MARCHF3: variants seen among roughly 807,000 people sequenced by gnomAD.
MARCHF3 encodes E3 ubiquitin-protein ligase MARCHF3.
MARCHF3 carries 13 observed loss-of-function variants against 24.2 expected under a neutral mutation model. The ratio of observed to expected loss-of-function variants is 0.54; its 90% confidence interval spans 0.35 to 0.85. The LOEUF (loss-of-function observed/expected upper bound fraction) is 0.85, where lower values mean the gene tolerates loss of function less well. Ranked by LOEUF, MARCHF3 falls within the 40% of genes least tolerant of loss-of-function variation. The pLI is 0.01. For synonymous variants in MARCHF3, 144 were observed against 137.3 expected (o/e 1.05, Z -0.34); for missense variants, 276 against 325.0 (o/e 0.85, Z 1.16).
intron 1 of MARCHF3, among the ~76,000 whole-genome samples, chr5:126,930,152 G>T (rs1185721905): frequency 6.6e-6 from 1 of 152,064 alleles, no homozygotes; most frequent in African/African-American, 2.4e-5. Flanking sequence ...GTATACAGAA[G>T]ATCTGGATTT....
chr5:126,949,971 T>A (rs1330416970), intron 1 of MARCHF3, among the ~76,000 whole-genome samples: 1 of 152,172 alleles, frequency 6.6e-6, no homozygotes, highest in Non-Finnish European at 1.5e-5. Flanking sequence ...ACATCATGTG[T>A]CCCACTTTCT....
At position 126,878,222 on chromosome 5, in the gene MARCHF3, G is replaced by C; in HGVS notation, c.566C>G (p.Thr189Ser). ...RLEAVGLIALTVALFTIYLFW... is the reference protein window; with the variant it reads ...RLEAVGLIALSVALFTIYLFW... ...GAGGTAAATAGTGAAGAGTGCGACAGTGAGTGCAATCAGTCCGACGGCTTC... is the reference window on the plus strand; with the variant it reads ...GAGGTAAATAGTGAAGAGTGCGACACTGAGTGCAATCAGTCCGACGGCTTC... Residue 189 changes from threonine to serine, a missense_variant, in exon 4 of 5, where the codon ACT becomes AGT. Coordinates refer to ENST00000308660, the MANE Select transcript of MARCHF3 (RefSeq NM_178450.5). 1 of 1,614,258 alleles carries C rather than the reference G, an allele frequency of 6.2e-7. No individual in the cohort carries two copies. Among genetic ancestry groups the C allele is most frequent in the Non-Finnish European group, 8.5e-7 (1 of 1,180,054 alleles).
intron 3 of MARCHF3, among the ~76,000 whole-genome samples, chr5:126,910,674 G>T (rs912674224): frequency 1.3e-5 from 2 of 152,196 alleles, no homozygotes; most frequent in African/African-American, 4.8e-5. Flanking sequence ...TGAGGAGGAT[G>T]TATGTCACCT....
At chr5:126,893,203 G>T (rs181566432) in intron 3 of MARCHF3, among the ~76,000 whole-genome samples, 8 of 151,930 alleles carry the variant, frequency 5.3e-5, no homozygotes, top group Admixed American at 4.6e-4. Context: ...AGTCTTGCTA[G>T]TGGTCTATCA....
chr5:126,894,395 C>T (rs1753799411), intron 3 of MARCHF3, among the ~76,000 whole-genome samples: 1 of 151,498 alleles, frequency 6.6e-6, no homozygotes, highest in Admixed American at 6.6e-5. Context: ...ATGGTCTTTA[C>T]ATTTTGGCAT....
chr5:126,935,982 A>G (rs755051540), intron 1 of MARCHF3, among the ~76,000 whole-genome samples: 2 of 152,184 alleles, frequency 1.3e-5, no homozygotes, highest in Non-Finnish European at 2.9e-5. Flanking sequence ...TTTAAGAGTC[A>G]TAAAGTAAAA....
intron 1 of MARCHF3, among the ~76,000 whole-genome samples, chr5:127,022,625 A>G (rs540725352): frequency 6.6e-6 from 1 of 152,312 alleles, no homozygotes; most frequent in African/African-American, 2.4e-5. Context: ...CTACACTCTC[A>G]TCTGGAACGT....
Position 127,005,200 on chromosome 5 carries a change from G to A in MARCHF3, c.-57+25150C>T, listed in dbSNP as rs368801286. The stretch of plus-strand genomic sequence containing the variant: ...CACTCAGGCTGGAATACAGTGGCAC[G>A]ATCTCAGCTCACTGCAACCTCCATC... On this transcript the variant is annotated intron_variant, in intron 1 of 4. Coordinates refer to ENST00000308660, the MANE Select transcript of MARCHF3 (RefSeq NM_178450.5). 8.3e-5 allele frequency among the ~76,000 whole-genome samples: 12 copies of A among 143,836 alleles called. No individual in the cohort carries two copies. In the East Asian group the frequency reaches 2.5e-3, roughly 30 times the overall value. The allele number at this position is 143,836 out of a possible 152,430, so 94.4% of individuals were successfully genotyped here.
At chr5:126,990,803 A>G (rs960454321) in intron 1 of MARCHF3, among the ~76,000 whole-genome samples, 1 of 152,254 alleles carries the variant, frequency 6.6e-6, no homozygotes, top group African/African-American at 2.4e-5. Context: ...AAAAGTGCTC[A>G]TCATCACTGG....
chr5:126,909,522 G>A (rs967291326), intron 3 of MARCHF3, among the ~76,000 whole-genome samples: 2 of 152,244 alleles, frequency 1.3e-5, no homozygotes, highest in East Asian at 3.8e-4. Flanking sequence ...TAATCTCCTG[G>A]TGCGCTGTTT....
chr5:126,935,471 G>A (rs1374441349), intron 1 of MARCHF3, among the ~76,000 whole-genome samples: 1 of 151,938 alleles, frequency 6.6e-6, no homozygotes, highest in Non-Finnish European at 1.5e-5. Flanking sequence ...CCACATCAGT[G>A]GCTCTCTTGG....
chr5:126,908,142 A>T (rs957079273), intron 3 of MARCHF3, among the ~76,000 whole-genome samples: 26 of 152,260 alleles, frequency 1.7e-4, no homozygotes, highest in African/African-American at 5.8e-4. Flanking sequence ...AATGTTGAAT[A>T]TTGGCCCCCA....
intron 1 of MARCHF3, among the ~76,000 whole-genome samples, chr5:126,927,517 T>A (rs951898857): frequency 3.3e-5 from 5 of 152,238 alleles, no homozygotes; most frequent in African/African-American, 4.8e-5. Flanking sequence ...CCTGCCTGTA[T>A]GGGCACAGCA....
intron 1 of MARCHF3, among the ~76,000 whole-genome samples, chr5:126,997,184 T>C (rs796089613): frequency 2.4e-4 from 36 of 152,268 alleles, no homozygotes; most frequent in African/African-American, 8.7e-4. Flanking sequence ...TATTAAATCA[T>C]TTAATTTAGT....
intron 1 of MARCHF3, among the ~76,000 whole-genome samples, chr5:126,928,181 C>T (rs111318959): frequency 0.022 from 3,425 of 152,294 alleles, 113 homozygotes; most frequent in African/African-American, 0.079. Flanking sequence ...AAATCTCTAG[C>T]GTGTCACAAA....
chr5:126,876,612 T>C (rs1169667155), intron 4 of MARCHF3, among the ~76,000 whole-genome samples: 2 of 152,162 alleles, frequency 1.3e-5, no homozygotes, highest in African/African-American at 4.8e-5. Context: ...AACAGCTTCG[T>C]TGCCTGATTC....
At chr5:126,985,741 C>G (rs1580708285) in intron 1 of MARCHF3, among the ~76,000 whole-genome samples, 1 of 152,184 alleles carries the variant, frequency 6.6e-6, no homozygotes, top group Non-Finnish European at 1.5e-5. Context: ...TCCCAAAGTG[C>G]TGGGATTACA....
intron 3 of MARCHF3, among the ~76,000 whole-genome samples, chr5:126,897,004 G>A (rs1414797551): frequency 6.7e-6 from 1 of 149,916 alleles, no homozygotes; most frequent in Non-Finnish European, 1.5e-5. Context: ...AAACTGCCTT[G>A]AGACAATCCT....
intron 3 of MARCHF3, among the ~76,000 whole-genome samples, chr5:126,907,872 G>A (rs1462456279): frequency 2.6e-5 from 4 of 151,312 alleles, no homozygotes; most frequent in Non-Finnish European, 5.9e-5. Context: ...TATGATGTTA[G>A]CTGATTATTT....
Sources: gnomAD v4.1 joint callset for allele counts (sites outside exome capture counted in the v4.1 genomes callset) on GRCh38, gnomAD v4.1.1 for gene constraint, MANE v1.5 for transcripts, NCBI Gene and HGNC (gene_info 2026-07-23, HGNC 2026-07-21) for gene names.